The following SNRNP200 variants were observed in gnomAD, a reference collection of about 807,000 sequenced individuals.
The protein encoded by SNRNP200 is small nuclear ribonucleoprotein U5 subunit 200.
Under a neutral mutation model 255.2 loss-of-function variants are expected in SNRNP200, and 66 were observed. The ratio of observed to expected loss-of-function variants is 0.26; its 90% confidence interval spans 0.21 to 0.32. SNRNP200 has a LOEUF of 0.32. Among genes scored for constraint, SNRNP200 ranks in the 10% least tolerant of loss-of-function variants. The probability of loss-of-function intolerance (pLI) is 1.00; values close to 1 mark genes in which losing one functional copy is unlikely to be tolerated. For missense variants in SNRNP200, 1,585 were observed against 2,749.8 expected (o/e 0.58, Z 9.47); for synonymous variants, 939 against 1,027.8 (o/e 0.91, Z 1.65).
chr2:96,297,090 A>T lies in SNRNP200; in HGVS notation c.1378-20T>A, dbSNP rs1242885549. 7.4e-6 allele frequency: 12 copies of T among 1,614,062 alleles called. No individual in the cohort carries two copies. The South Asian group carries it at 1.3e-4, about 18-fold the overall frequency. On this transcript the variant is annotated intron_variant, in intron 11 of 44. Coordinates refer to ENST00000323853, the MANE Select transcript of SNRNP200 (RefSeq NM_014014.5). The stretch of plus-strand genomic sequence containing the variant: ...CAGTTGCTAGAAGAAAAGAAGTGCC[A>T]TCAATATCATGTTGGCAGCATCCTT...
intron 13 of SNRNP200, 42 bp from the exon 14 acceptor site, chr2:96,295,700 G>T: frequency 6.2e-6 from 10 of 1,604,952 alleles, no homozygotes; most frequent in Non-Finnish European, 8.5e-6. Flanking sequence ...GCTTGAAGGG[G>T]CCTGGACACC....
rs374123184 is a variant in SNRNP200, at chr2:96,298,364, T to C, written c.1039A>G (p.Met347Val). ...TCTGGGTCAGCTTCCATCTTTCCCA[T>C]AATCCTTTCCTTTTCAGCTTCACTT... is the stretch of plus-strand genomic sequence containing the variant. ...AQSEAEKERI[M>V]GKMEADPELS... The change falls in exon 9 of 45, where the codon ATG becomes GTG. Residue 347 changes from methionine (M) to valine (V), a missense_variant. Coordinates refer to ENST00000323853, the MANE Select transcript of SNRNP200 (RefSeq NM_014014.5). 6.2e-7 allele frequency: 1 copy of C among 1,614,164 alleles called. No individual in the cohort carries two copies. The highest frequency in any genetic ancestry group is 1.7e-5 in the Admixed American group (1 of 60,012).
intron 14 of SNRNP200, 45 bp downstream of exon 14, chr2:96,295,443 C>A (rs2063910799): frequency 6.2e-7 from 1 of 1,610,202 alleles, no homozygotes; most frequent in South Asian, 1.1e-5. Context: ...GCAAACCCGC[C>A]CTGACACAAC....
At chr2:96,282,010 C>CA in intron 34 of SNRNP200, 88 bp from the exon 35 acceptor site, 1 of 983,626 alleles carries the variant, frequency 1.0e-6, no homozygotes, top group Non-Finnish European at 1.6e-6. Flanking sequence ...GTGGCTTACC[C>CA]TGTGCTATGT....
intron 34 of SNRNP200, chr2:96,282,885 A>G: frequency 2.2e-6 from 1 of 462,324 alleles, no homozygotes; most frequent in Non-Finnish European, 4.0e-6. Flanking sequence ...GGACTAATAC[A>G]CTTGGGGAGT....
At chr2:96,282,480 G>C (rs1239438913) in intron 34 of SNRNP200, 1 of 176,936 alleles carries the variant, frequency 5.7e-6, no homozygotes, top group Non-Finnish European at 1.2e-5. Flanking sequence ...AATCTCTAAA[G>C]TCTAACTATC....
chr2:96,283,740 C>T lies in SNRNP200; in HGVS notation c.4585-27G>A. ...TGGCGACCGGGGAGAAGAAAAGACA[C>T]CAAGGTTATCAGACCTGGGTCACTC... On this transcript the variant is annotated intron_variant, in intron 32 of 44. Coordinates refer to ENST00000323853, the MANE Select transcript of SNRNP200 (RefSeq NM_014014.5). This position sits in a 1 kb window ranked among gnomAD's most constrained non-coding sequence, Gnocchi z 4.7. The T allele has an allele frequency of 6.2e-7, 1 of 1,614,006 alleles. No homozygotes were observed. The highest frequency in any genetic ancestry group is 8.5e-7 in the Non-Finnish European group (1 of 1,180,018).
rs2063962793 is a variant in SNRNP200 at position 96,303,030 on chromosome 2, G to T, written c.381+129C>A. The T allele has an allele frequency of 4.0e-6, 4 of 1,000,884 alleles. No homozygotes were observed. The South Asian group carries it at 5.2e-5, about 13-fold the overall frequency. 62.0% of individuals were successfully genotyped at this position (1,000,884 alleles called of 1,614,324 possible). On this transcript the variant is annotated intron_variant, in intron 3 of 44. Coordinates refer to ENST00000323853, the MANE Select transcript of SNRNP200 (RefSeq NM_014014.5). ...CTCCATTCTGAACTACCTAAGTGCTGCCAGCCATCAGTCAACTCATCAGCA... is the reference window on the plus strand; with the variant it reads ...CTCCATTCTGAACTACCTAAGTGCTTCCAGCCATCAGTCAACTCATCAGCA...
chr2:96,286,504 A>G lies in SNRNP200; in HGVS notation c.3830-20T>C. ...CACAAGCTGCCAGAAAAGAAACAGG[A>G]AGGATATAAGCACTGCTCTCTTTCC... On this transcript the variant is annotated intron_variant, in intron 28 of 44. Transcript: ENST00000323853. The surrounding 1 kb of genome is among the most constrained non-coding windows in gnomAD (Gnocchi z 4.8). The G allele has an allele frequency of 6.2e-7, 1 of 1,613,554 alleles. No individual in the cohort carries two copies. The highest frequency in any genetic ancestry group is 8.5e-7 in the Non-Finnish European group (1 of 1,179,918).
chr2:96,296,718 G>T, intron 12 of SNRNP200, 27 bp from the exon 13 acceptor site: 1 of 1,613,216 alleles, frequency 6.2e-7, no homozygotes, highest in South Asian at 1.1e-5. Context: ...GGATGAGAAC[G>T]CCTATTCACC....
rs1333121691 is a variant in SNRNP200 at position 96,301,017 on chromosome 2, T to C, written c.611A>G (p.Gln204Arg). 2 of 1,613,836 alleles carry C rather than the reference T, an allele frequency of 1.2e-6. No homozygotes were observed. Among genetic ancestry groups the C allele is most frequent in the African/African-American group, 2.7e-5 (2 of 74,914 alleles). The change falls in exon 5 of 45, where the codon CAG (glutamine) becomes CGG (arginine). Residue 204 changes from glutamine to arginine, a missense_variant. Gln to Arg is a conservative substitution (Grantham distance 43). Transcript: ENST00000323853. ...ACTCACCTCCTCATCAGACTCAAACTGCACATTCACACCGTATGTCTCATC... is the reference window on the plus strand; with the variant it reads ...ACTCACCTCCTCATCAGACTCAAACCGCACATTCACACCGTATGTCTCATC... ...NIDETYGVNV[Q>R]FESDEEEGDE...
At chr2:96,281,343 T>C (rs1684757457) in intron 35 of SNRNP200, 2 of 182,242 alleles carry the variant, frequency 1.1e-5, no homozygotes, top group Admixed American at 5.4e-5. Context: ...ATTTTTGTTA[T>C]TTTTAGTAGA....
chr2:96,286,502 G>A lies in SNRNP200; in HGVS notation c.3830-18C>T. On this transcript the variant is annotated intron_variant, in intron 28 of 44. Transcript: ENST00000323853. This position sits in a 1 kb window ranked among gnomAD's most constrained non-coding sequence, Gnocchi z 4.8. ...CTCACAAGCTGCCAGAAAAGAAACA[G>A]GAAGGATATAAGCACTGCTCTCTTT... The A allele has an allele frequency of 6.2e-7, 1 of 1,613,806 alleles. No homozygotes were observed. The highest frequency in any genetic ancestry group is 8.5e-7 in the Non-Finnish European group (1 of 1,179,984).
Position 96,305,348 on chromosome 2 carries a change from C to A in SNRNP200, c.45+45G>T, listed in dbSNP as rs200284464. 688 of 1,612,230 alleles carry A rather than the reference C, an allele frequency of 4.3e-4. 2 individuals are homozygous for A. The African/African-American group carries it at 8.1e-3, about 19-fold the overall frequency. ...CTCCCTTTTTCAGCCTCCCCCTCCC[C>A]ATTGGACTCCTGAGCCTGGAATCCT... On this transcript the variant is annotated intron_variant, in intron 1 of 44. Transcript: ENST00000323853.
At position 96,295,661 on chromosome 2, in the gene SNRNP200, G is replaced by A. The variant is rs2063912379; in HGVS notation, c.1672-3C>T. 9 of 1,613,226 alleles carry A rather than the reference G, an allele frequency of 5.6e-6. No individual in the cohort carries two copies. The highest frequency in any genetic ancestry group is 7.6e-6 in the Non-Finnish European group (9 of 1,180,026). The stretch of plus-strand genomic sequence containing the variant: ...GTGATGCCATAAGTGGCCAGGCGCT[G>A]TGGGAGGAAAACTACATCAGGCAGG... On this transcript the variant is annotated splice_polypyrimidine_tract_variant and splice_region_variant and intron_variant, in intron 13 of 44. Coordinates refer to ENST00000323853, the MANE Select transcript of SNRNP200 (RefSeq NM_014014.5).
chr2:96,279,611 T>G, intron 35 of SNRNP200, 52 bp from the exon 36 acceptor site: 1 of 1,231,712 alleles, frequency 8.1e-7, no homozygotes, highest in South Asian at 1.2e-5. Context: ...ACGGAGACCA[T>G]GCTCAGGAAG....
chr2:96,292,886 T>C, intron 16 of SNRNP200, 86 bp downstream of exon 16: 1 of 1,501,450 alleles, frequency 6.7e-7, no homozygotes, highest in Non-Finnish European at 9.2e-7. Context: ...TTCTCTCTTT[T>C]AATTTCTGTC....
rs1205920611 is a variant in SNRNP200 at position 96,290,874 on chromosome 2, C to G, written c.2422-59G>C. The G allele has an allele frequency of 1.2e-6, 2 of 1,610,344 alleles. No individual in the cohort carries two copies. Among genetic ancestry groups the G allele is most frequent in the Non-Finnish European group, 8.5e-7 (1 of 1,177,890 alleles). ...GATGCCATCACCAGGGGTTAATATC[C>G]CTGGCTTCTCTAGGCAGTTGGCCTC... On this transcript the variant is annotated intron_variant, in intron 18 of 44. Transcript: ENST00000323853. The surrounding 1 kb of genome is among the most constrained non-coding windows in gnomAD (Gnocchi z 4.5).
rs970393855 is a variant in SNRNP200 at position 96,289,474 on chromosome 2, CT to C, written c.2941-96del. The C allele has an allele frequency of 5.6e-4, 780 of 1,384,036 alleles. 1 individual carries two copies. Among genetic ancestry groups the C allele is most frequent in the Non-Finnish European group, 6.7e-4 (664 of 984,432 alleles). 85.7% of individuals were successfully genotyped at this position (1,384,036 alleles called of 1,614,324 possible). On this transcript the variant is annotated intron_variant, in intron 21 of 44. Transcript: ENST00000323853. ...GTTACTGTCCTATAGGTTTTTTGTA[CT>C]TTTTTTTTGGTAAAGTATATGACCC... is the stretch of plus-strand genomic sequence containing the variant.
Sources: allele counts gnomAD v4.1 joint callset, GRCh38; gene constraint gnomAD v4.1.1; non-coding constraint Gnocchi (gnomAD v3.1); transcripts MANE v1.5; gene names NCBI Gene and HGNC (gene_info 2026-07-23, HGNC 2026-07-21).